DPY19L4: variants seen among roughly 807,000 people sequenced by gnomAD.
The protein encoded by DPY19L4 is probable C-mannosyltransferase DPY19L4.
A neutral mutation model predicts 102.8 loss-of-function variants in DPY19L4; 97 were observed. The observed-to-expected ratio is 0.94, with a 90% CI of 0.80 to 1.12. The LOEUF is 1.12. Among genes scored for constraint, DPY19L4 ranks in the 50% most tolerant of loss-of-function variants. DPY19L4 has a pLI of 0.00. For missense variants in DPY19L4, 815 were observed against 850.4 expected, an observed-to-expected ratio of 0.96 and a Z score of 0.52; for synonymous variants, 252 against 283.1, an observed-to-expected ratio of 0.89 and a Z score of 1.10.
chr8:94,758,514 T>A (rs1276503880), intron 7 of DPY19L4, among the ~76,000 whole-genome samples: 1 of 152,162 alleles, frequency 6.6e-6, no homozygotes, highest in Non-Finnish European at 1.5e-5. Context: ...ACCTTAATAA[T>A]CACATCCTTC....
chr8:94,758,780 G>T (rs1294303489), intron 7 of DPY19L4, among the ~76,000 whole-genome samples: 1 of 151,536 alleles, frequency 6.6e-6, no homozygotes, highest in Non-Finnish European at 1.5e-5. Flanking sequence ...TGTTGCCCAG[G>T]CTGGAGTACA....
At chr8:94,759,650 G>A (rs1222728895) in intron 7 of DPY19L4, among the ~76,000 whole-genome samples, 1 of 151,854 alleles carries the variant, frequency 6.6e-6, no homozygotes, top group African/African-American at 2.4e-5. Flanking sequence ...GGGATTACTG[G>A]CCTGTGCCAC....
At position 94,739,675 on chromosome 8, in the gene DPY19L4, G is replaced by A. The variant is rs768030971; in HGVS notation, c.496G>A (p.Gly166Ser). 9 of 1,613,880 alleles carry A rather than the reference G, an allele frequency of 5.6e-6. No homozygotes were observed. The highest frequency in any genetic ancestry group is 7.6e-6 in the Non-Finnish European group (9 of 1,179,966). The change falls in exon 6 of 19, where the codon GGC (glycine) becomes AGC (serine). Residue 166 changes from glycine to serine, a missense_variant. By Grantham distance (56) the Gly-to-Ser change is moderately conservative. Coordinates refer to ENST00000414645, the MANE Select transcript of DPY19L4 (RefSeq NM_181787.3). ...TATTGAGCCAGTGTATTTCTATATT[G>A]GCATTGTTTTTGGATTGCAAGGAAT... Reference protein sequence around the residue: ...EIIEPVYFYIGIVFGLQGIYV... With the variant: ...EIIEPVYFYISIVFGLQGIYV...
chr8:94,734,514 T>G, intron 2 of DPY19L4, 116 bp from the exon 3 acceptor site: 3 of 1,027,400 alleles, frequency 2.9e-6, no homozygotes, highest in Non-Finnish European at 4.2e-6. Context: ...TTTCTCACAA[T>G]TAGACTCGAG....
chr8:94,720,861 C>T (rs1025226507), intron 1 of DPY19L4, among the ~76,000 whole-genome samples: 10 of 152,040 alleles, frequency 6.6e-5, no homozygotes, highest in Admixed American at 6.6e-5. Flanking sequence ...TAGATTTTTG[C>T]ATTCTGGTGG....
rs754116355 is a variant in DPY19L4, at chr8:94,765,159, CTTATT to C, written c.871-16_871-12del. On this transcript the variant is annotated intron_variant, in intron 8 of 18. Transcript: ENST00000414645. Reference sequence around the variant, plus strand: ...TATGATAAAATATAACTTATTCTCACTTATTTTATTTTTGTCACAACAGGTTTATG... The same window carrying C: ...TATGATAAAATATAACTTATTCTCACTTATTTTTGTCACAACAGGTTTATG... 64 of 1,376,094 alleles carry C rather than the reference CTTATT, an allele frequency of 4.7e-5. No individual in the cohort carries two copies. The highest frequency in any genetic ancestry group is 5.0e-5 in the Non-Finnish European group (50 of 994,264). The allele number at this position is 1,376,094 out of a possible 1,614,324, so 85.2% of individuals were successfully genotyped here.
intron 17 of DPY19L4, among the ~76,000 whole-genome samples, chr8:94,785,859 T>TG (rs1813629112): frequency 6.6e-6 from 1 of 152,368 alleles, no homozygotes; most frequent in African/African-American, 2.4e-5. Context: ...CAACAAACTC[T>TG]GTGACTTTGT....
intron 1 of DPY19L4, among the ~76,000 whole-genome samples, chr8:94,723,849 T>C (rs1015637263): frequency 6.6e-6 from 1 of 152,162 alleles, no homozygotes; most frequent in South Asian, 2.1e-4. Flanking sequence ...TATAATATTA[T>C]AGATCTTTTA....
At chr8:94,754,621 C>T (rs1447991903) in intron 6 of DPY19L4, among the ~76,000 whole-genome samples, 1 of 152,056 alleles carries the variant, frequency 6.6e-6, no homozygotes, top group African/African-American at 2.4e-5. Flanking sequence ...AACAATAGCA[C>T]CTTTATTTTT....
intron 13 of DPY19L4, among the ~76,000 whole-genome samples, chr8:94,772,462 G>A (rs935131759): frequency 6.6e-6 from 1 of 152,178 alleles, no homozygotes; most frequent in Non-Finnish European, 1.5e-5. Flanking sequence ...AGAGGAAAGA[G>A]ACCCATAGGA....
At position 94,781,316 on chromosome 8, in the gene DPY19L4, C is replaced by G. The variant is rs111748263; in HGVS notation, c.1715+150C>G. On this transcript the variant is annotated intron_variant, in intron 16 of 18. Transcript: ENST00000414645. ...TAGGGATATTTAGATTTTGGTTGGA[C>G]TTAGTGATACTAATTTTCCGCTCAT... 112 of 610,780 alleles carry G rather than the reference C, an allele frequency of 1.8e-4. No individual in the cohort carries two copies. The African/African-American group carries it at 1.9e-3, about 10-fold the overall frequency. 37.8% of individuals were successfully genotyped at this position (610,780 alleles called of 1,614,324 possible).
chr8:94,775,333 G>C (rs1348676497), intron 13 of DPY19L4, among the ~76,000 whole-genome samples: 1 of 151,870 alleles, frequency 6.6e-6, no homozygotes, highest in Non-Finnish European at 1.5e-5. Flanking sequence ...CACCACGCCT[G>C]GCTAAATTTT....
At chr8:94,755,975 A>G in intron 6 of DPY19L4, 61 bp from the exon 7 acceptor site, 1 of 1,501,158 alleles carries the variant, frequency 6.7e-7, no homozygotes. Flanking sequence ...GTACTTTGAA[A>G]AGTATAGTGT....
At chr8:94,743,995 G>A (rs1398240893) in intron 6 of DPY19L4, among the ~76,000 whole-genome samples, 1 of 152,218 alleles carries the variant, frequency 6.6e-6, no homozygotes, top group Non-Finnish European at 1.5e-5. Context: ...GACAGAGTGA[G>A]AGTCTGTTTC....
chr8:94,771,223 C>A (rs1812921199), intron 13 of DPY19L4, among the ~76,000 whole-genome samples: 1 of 152,098 alleles, frequency 6.6e-6, no homozygotes, highest in Non-Finnish European at 1.5e-5. Context: ...CAAAGATTGT[C>A]TTTTTTAATG....
intron 13 of DPY19L4, among the ~76,000 whole-genome samples, chr8:94,775,201 C>A (rs1431293247): frequency 6.7e-6 from 1 of 148,510 alleles, no homozygotes; most frequent in Admixed American, 6.8e-5. Flanking sequence ...TTTTTTGAGA[C>A]AGGGTCCTGT....
At chr8:94,733,220 G>A (rs1217937764) in intron 2 of DPY19L4, among the ~76,000 whole-genome samples, 1 of 146,646 alleles carries the variant, frequency 6.8e-6, no homozygotes, top group East Asian at 2.0e-4. Context: ...CTGCCTCTGG[G>A]TTCACACCAT....
chr8:94,782,870 CTG>C (rs1813492481), intron 16 of DPY19L4, among the ~76,000 whole-genome samples: 1 of 152,180 alleles, frequency 6.6e-6, no homozygotes, highest in Admixed American at 6.5e-5. Context: ...AGTTACATCT[CTG>C]TATGATTTAC....
At chr8:94,749,919 G>T (rs1381727681) in intron 6 of DPY19L4, among the ~76,000 whole-genome samples, 1 of 152,146 alleles carries the variant, frequency 6.6e-6, no homozygotes, top group Non-Finnish European at 1.5e-5. Context: ...CTTAAACAAT[G>T]AAATCAATAA....
Sources: allele counts gnomAD v4.1 joint callset (sites outside exome capture counted in the v4.1 genomes callset), GRCh38; gene constraint gnomAD v4.1.1; transcripts MANE v1.5; gene names NCBI Gene and HGNC (gene_info 2026-07-23, HGNC 2026-07-21).